Variants in LAMA2 observed in about 807,000 individuals in gnomAD.
The protein encoded by LAMA2 is laminin subunit alpha 2.
A neutral mutation model predicts 364.8 loss-of-function variants in LAMA2; 269 were observed. The observed-to-expected ratio is 0.74, with a 90% confidence interval of 0.67 to 0.82. The LOEUF is 0.82. Ranked by LOEUF, LAMA2 falls within the 40% of genes least tolerant of loss-of-function variation. The probability of loss-of-function intolerance (pLI) is 0.00; values close to 1 mark genes in which losing one functional copy is unlikely to be tolerated. For synonymous variants in LAMA2, 1,379 were observed against 1,370.6 expected (o/e 1.01, Z -0.14); for missense variants, 3,807 against 3,873.2 (o/e 0.98, Z 0.45).
At chr6:129,232,747 G>T (rs1784746947) in intron 12 of LAMA2, among the ~76,000 whole-genome samples, 1 of 152,056 alleles carries the variant, frequency 6.6e-6, no homozygotes, top group Admixed American at 6.6e-5. Flanking sequence ...ATGTGACTAA[G>T]TTTAAGAACC....
intron 10 of LAMA2, among the ~76,000 whole-genome samples, chr6:129,184,235 T>C (rs1562309651): frequency 1.3e-5 from 2 of 151,990 alleles, no homozygotes; most frequent in Non-Finnish European, 2.9e-5. Context: ...CTTCATTAAC[T>C]TGTAGACTTG....
At chr6:129,021,244 G>T (rs1323209859) in intron 1 of LAMA2, among the ~76,000 whole-genome samples, 1 of 152,048 alleles carries the variant, frequency 6.6e-6, no homozygotes, top group African/African-American at 2.4e-5. Flanking sequence ...GCAAAATGTT[G>T]ACTTATTTAG....
intron 4 of LAMA2, among the ~76,000 whole-genome samples, chr6:129,128,547 T>C (rs971651012): frequency 6.6e-6 from 1 of 152,222 alleles, no homozygotes; most frequent in Non-Finnish European, 1.5e-5. Context: ...ATCAAAATCT[T>C]GATAGTGGTT....
intron 37 of LAMA2, among the ~76,000 whole-genome samples, chr6:129,393,498 A>T (rs1322447073): frequency 6.6e-6 from 1 of 152,210 alleles, no homozygotes. Context: ...ACTGTTGAAG[A>T]TATTTAAGAA....
chr6:129,223,996 T>C (rs1784064199), intron 12 of LAMA2, among the ~76,000 whole-genome samples: 1 of 152,222 alleles, frequency 6.6e-6, no homozygotes, highest in Non-Finnish European at 1.5e-5. Flanking sequence ...GTTCTTCCAT[T>C]TGTTTGTGTC....
chr6:129,396,688 A>C (rs907733302), intron 37 of LAMA2, among the ~76,000 whole-genome samples: 1 of 152,240 alleles, frequency 6.6e-6, no homozygotes, highest in African/African-American at 2.4e-5. Context: ...TGTATTGAGC[A>C]GTCTATCCCC....
At chr6:129,081,583 G>A (rs1204014252) in intron 3 of LAMA2, among the ~76,000 whole-genome samples, 2 of 152,068 alleles carry the variant, frequency 1.3e-5, no homozygotes, top group African/African-American at 2.4e-5. Context: ...AATTGCAATA[G>A]GTTAAACACT....
Position 129,393,255 on chromosome 6 carries a change from G to A in LAMA2, c.5445G>A (p.Glu1815=), listed in dbSNP as rs1326741562. The A allele has an allele frequency of 7.4e-6, 12 of 1,611,380 alleles. No homozygotes were observed. Among genetic ancestry groups the A allele is most frequent in the Non-Finnish European group, 1.0e-5 (12 of 1,177,746 alleles). ...ATCAGAAAAACATGACTGCATTGGA[G>A]GTGAGTCTTAGGGGCACTTTTATCT... ...AVNQKNMTAL[E]KKKEAVESGK... The change falls in exon 37 of 65, where the codon GAG becomes GAA. Residue 1815 remains glutamate, a splice_region_variant and synonymous_variant. Transcript: ENST00000421865.
intron 61 of LAMA2, among the ~76,000 whole-genome samples, chr6:129,506,050 G>T (rs1786043190): frequency 6.6e-6 from 1 of 151,848 alleles, no homozygotes; most frequent in Non-Finnish European, 1.5e-5. Flanking sequence ...ATTAAATGAG[G>T]TAATTTATTT....
At chr6:129,114,673 G>A (rs1424121276) in intron 4 of LAMA2, among the ~76,000 whole-genome samples, 2 of 151,918 alleles carry the variant, frequency 1.3e-5, no homozygotes, top group Non-Finnish European at 2.9e-5. Flanking sequence ...TGATTAGGTA[G>A]TTGAAAGACG....
chr6:128,944,455 C>A (rs80198703), intron 1 of LAMA2, among the ~76,000 whole-genome samples: 12,501 of 151,998 alleles, frequency 0.082, 977 homozygotes, highest in African/African-American at 0.2. Context: ...TGCATTAGTC[C>A]ATTCTTGCAT....
At chr6:129,362,332 G>T (rs1777512094) in intron 32 of LAMA2, among the ~76,000 whole-genome samples, 1 of 152,092 alleles carries the variant, frequency 6.6e-6, no homozygotes, top group African/African-American at 2.4e-5. Context: ...GTATTCTCCT[G>T]TTCCTCACAC....
Position 129,346,029 on chromosome 6 carries a change from G to A in LAMA2, c.4437-3269G>A, listed in dbSNP as rs147482026. On this transcript the variant is annotated intron_variant, in intron 30 of 64. Transcript: ENST00000421865. ...TGTGCAGTCAGTGAGAAATATGGAG[G>A]CATGATGAGTGATTACTGACTCATT... Among the ~76,000 whole-genome samples, 446 of 152,238 alleles carry A rather than the reference G, an allele frequency of 2.9e-3. 4 individuals are homozygous for A. The highest frequency in any genetic ancestry group is 7.2e-3 in the South Asian group (35 of 4,828).
chr6:128,920,408 A>G (rs11961191), intron 1 of LAMA2, among the ~76,000 whole-genome samples: 32,585 of 151,864 alleles, frequency 0.21, 5,121 homozygotes, highest in African/African-American at 0.44. Flanking sequence ...CGCCCGCCTC[A>G]GGCTCCCAAA....
chr6:129,159,860 A>C (rs1006453783), intron 8 of LAMA2, among the ~76,000 whole-genome samples: 2 of 152,240 alleles, frequency 1.3e-5, no homozygotes, highest in African/African-American at 4.8e-5. Flanking sequence ...TGAAATGAAC[A>C]TAAGGATTTT....
At chr6:129,272,303 G>A (rs1252647500) in intron 17 of LAMA2, among the ~76,000 whole-genome samples, 1 of 152,060 alleles carries the variant, frequency 6.6e-6, no homozygotes, top group African/African-American at 2.4e-5. Flanking sequence ...TGCCACTTTA[G>A]GCAAGTCACT....
At chr6:129,349,706 A>C (rs892345626) in intron 31 of LAMA2, among the ~76,000 whole-genome samples, 1 of 151,818 alleles carries the variant, frequency 6.6e-6, no homozygotes, top group Non-Finnish European at 1.5e-5. Context: ...AAAGCTTAGC[A>C]GTAGTTACTA....
At chr6:129,459,726 T>C (rs971887524) in intron 48 of LAMA2, among the ~76,000 whole-genome samples, 4 of 152,090 alleles carry the variant, frequency 2.6e-5, no homozygotes, top group African/African-American at 9.7e-5. Context: ...AAAAGCTTTG[T>C]GTATGCATGG....
In LAMA2 at chr6:129,443,052, A is replaced by G; in HGVS notation, c.6269-11A>G. The G allele has an allele frequency of 1.3e-6, 2 of 1,589,412 alleles. No homozygotes were observed. Among genetic ancestry groups the G allele is most frequent in the Non-Finnish European group, 1.7e-6 (2 of 1,162,046 alleles). On this transcript the variant is annotated splice_polypyrimidine_tract_variant and intron_variant, in intron 43 of 64. Transcript: ENST00000421865. ...TTTTTTTGTTTTGCTTCCATGTGAAATTGCCTGCAGAAATCAGTACGTATA... is the reference window on the plus strand; with the variant it reads ...TTTTTTTGTTTTGCTTCCATGTGAAGTTGCCTGCAGAAATCAGTACGTATA...
Sources: allele counts gnomAD v4.1 joint callset (sites outside exome capture counted in the v4.1 genomes callset), GRCh38; gene constraint gnomAD v4.1.1; transcripts MANE v1.5; gene names NCBI Gene and HGNC (gene_info 2026-07-23, HGNC 2026-07-21).